FMN2: variants seen among roughly 807,000 people sequenced by gnomAD.
The protein encoded by FMN2 is formin 2.
FMN2 carries 51 observed loss-of-function variants against 142.3 expected under a neutral mutation model. The observed-to-expected ratio is 0.36, with a 90% confidence interval of 0.29 to 0.45. FMN2 has a LOEUF of 0.45. FMN2 is among the 20% of genes least tolerant of loss of function. The pLI, the probability that FMN2 is intolerant of heterozygous loss-of-function variation, is 1.00. For missense variants in FMN2, 1,936 were observed against 2,122.8 expected, an observed-to-expected ratio of 0.91 and a Z score of 1.73; for synonymous variants, 882 against 869.8, an observed-to-expected ratio of 1.01 and a Z score of -0.25.
At chr1:240,368,158 T>G (rs541188434) in intron 14 of FMN2, among the ~76,000 whole-genome samples, 4 of 150,484 alleles carry the variant, frequency 2.7e-5, no homozygotes, top group Non-Finnish European at 5.9e-5. Context: ...TAATAAGTCT[T>G]GAAATGTGAA....
intron 2 of FMN2, among the ~76,000 whole-genome samples, chr1:240,132,419 G>C (rs1662776940): frequency 6.6e-6 from 1 of 152,170 alleles, no homozygotes. Context: ...TTCATTGGTG[G>C]TTGTGGCCAG....
At chr1:240,245,487 C>T in intron 6 of FMN2, 1 of 470,626 alleles carries the variant, frequency 2.1e-6, no homozygotes, top group Non-Finnish European at 4.4e-6. Flanking sequence ...TCAAAGGTTC[C>T]CGTCCTGATG....
At chr1:240,298,098 G>C (rs10802858) in intron 8 of FMN2, among the ~76,000 whole-genome samples, 1 of 152,118 alleles carries the variant, frequency 6.6e-6, no homozygotes, top group East Asian at 1.9e-4. Flanking sequence ...AACATTCAGC[G>C]TATAGTATAC....
chr1:240,251,757 G>A (rs1668284888), intron 6 of FMN2, among the ~76,000 whole-genome samples: 1 of 152,034 alleles, frequency 6.6e-6, no homozygotes, highest in Non-Finnish European at 1.5e-5. Flanking sequence ...TCCGTTGTTG[G>A]GTACAATCAT....
At chr1:240,161,930 A>G (rs549845105) in intron 2 of FMN2, among the ~76,000 whole-genome samples, 1 of 152,094 alleles carries the variant, frequency 6.6e-6, no homozygotes, top group South Asian at 2.1e-4. Flanking sequence ...AAACAGGACA[A>G]TACCCTGGCT....
chr1:240,312,254 C>G (rs1670625095), intron 8 of FMN2, among the ~76,000 whole-genome samples: 1 of 152,156 alleles, frequency 6.6e-6, no homozygotes, highest in Non-Finnish European at 1.5e-5. Flanking sequence ...ACCACTAGAA[C>G]AGCACTGACA....
At chr1:240,376,792 T>A (rs1673060942) in intron 14 of FMN2, among the ~76,000 whole-genome samples, 1 of 152,180 alleles carries the variant, frequency 6.6e-6, no homozygotes, top group South Asian at 2.1e-4. Context: ...GGGACAACTA[T>A]ATTTCATCTT....
At chr1:240,353,614 T>A (rs138721081) in intron 13 of FMN2, among the ~76,000 whole-genome samples, 1 of 152,342 alleles carries the variant, frequency 6.6e-6, no homozygotes, top group African/African-American at 2.4e-5. Flanking sequence ...TGGTAGTTGA[T>A]ATTGAATCCC....
At chr1:240,241,831 T>G (rs1667912810) in intron 6 of FMN2, among the ~76,000 whole-genome samples, 2 of 51,004 alleles carry the variant, frequency 3.9e-5, no homozygotes, top group Non-Finnish European at 8.2e-5. Flanking sequence ...CTTGCTTTTT[T>G]TTTTTTTTTT....
intron 15 of FMN2, among the ~76,000 whole-genome samples, chr1:240,427,211 GTTT>G (rs1674979233): frequency 1.4e-5 from 2 of 141,040 alleles, no homozygotes; most frequent in Admixed American, 7.0e-5. Context: ...TTTTGTTTTT[GTTT>G]TTGTTTTTTT....
chr1:240,117,490 A>T (rs6656913), intron 1 of FMN2, among the ~76,000 whole-genome samples: 17,080 of 152,218 alleles, frequency 0.11, 1,204 homozygotes, highest in African/African-American at 0.19. Context: ...AGCGTGGTGG[A>T]GGGAGAGAGG....
At chr1:240,438,256 A>G (rs775784028) in intron 16 of FMN2, 46 bp downstream of exon 16, 87 of 1,591,146 alleles carry the variant, frequency 5.5e-5, no homozygotes, top group Non-Finnish European at 7.4e-5. Context: ...CTGGTGTTTT[A>G]TTAGGTGTGG....
chr1:240,382,103 A>T (rs1361323729), intron 14 of FMN2, among the ~76,000 whole-genome samples: 1 of 152,204 alleles, frequency 6.6e-6, no homozygotes, highest in Non-Finnish European at 1.5e-5. Context: ...AGATAACTAG[A>T]CCTAATAAAT....
At position 240,188,251 on chromosome 1, in the gene FMN2, G is replaced by C; in HGVS notation, c.1975G>C (p.Ala659Pro). Residue 659 changes from alanine to proline, a missense_variant, in exon 4 of 18, where the codon GCT (alanine) becomes CCT (proline). By Grantham distance (27) the Ala-to-Pro change is conservative (BLOSUM62 -1). Around this residue, in one of 8 missense-constraint regions of FMN2, gnomAD observed 478 missense variants for 462.8 expected, o/e 1.03. Transcript: ENST00000319653. ...VSETPQKRSDAVQKEVVDMKS... is the reference protein window; with the variant it reads ...VSETPQKRSDPVQKEVVDMKS... ...AGAAACTCCCCAAAAACGCTCAGAT[G>C]CTGTCCAGAAGGTAAGATGATCTTA... 1 of 1,613,752 alleles carries C rather than the reference G, an allele frequency of 6.2e-7. No homozygotes were observed. Among genetic ancestry groups the C allele is most frequent in the African/African-American group, 1.3e-5 (1 of 74,982 alleles).
chr1:240,120,872 G>A (rs1203786598), intron 1 of FMN2, among the ~76,000 whole-genome samples: 1 of 152,156 alleles, frequency 6.6e-6, no homozygotes, highest in East Asian at 1.9e-4. Context: ...AAGTTAAAGA[G>A]CTAGGCCAGG....
chr1:240,258,886 T>C (rs1205846098), intron 7 of FMN2, among the ~76,000 whole-genome samples: 13 of 152,172 alleles, frequency 8.5e-5, no homozygotes, highest in Admixed American at 7.9e-4. Context: ...TAAAGAAATA[T>C]GGTTTCAAGA....
intron 7 of FMN2, among the ~76,000 whole-genome samples, chr1:240,292,315 A>C (rs1669823130): frequency 6.6e-6 from 1 of 152,206 alleles, no homozygotes; most frequent in African/African-American, 2.4e-5. Context: ...AGGTAAGTAC[A>C]TAAGTAAATA....
At chr1:240,465,382 G>A (rs945869175) in intron 16 of FMN2, among the ~76,000 whole-genome samples, 1 of 100,578 alleles carries the variant, frequency 9.9e-6, no homozygotes. Context: ...GTGTGTGTGT[G>A]TGTGTCTGTC....
At chr1:240,259,714 G>C (rs1668566684) in intron 7 of FMN2, among the ~76,000 whole-genome samples, 1 of 151,940 alleles carries the variant, frequency 6.6e-6, no homozygotes, top group Admixed American at 6.6e-5. Context: ...TATAGAAGTG[G>C]CCACAGAATT....
Sources: gnomAD v4.1 joint callset for allele counts (sites outside exome capture counted in the v4.1 genomes callset) on GRCh38, gnomAD v4.1.1 for gene constraint, gnomAD v4.1.1 regional missense constraint, MANE v1.5 for transcripts, NCBI Gene and HGNC (gene_info 2026-07-23, HGNC 2026-07-21) for gene names.